CFHR5: variants seen among roughly 807,000 people sequenced by gnomAD.
CFHR5 encodes complement factor H-related protein 5.
In CFHR5, 73 loss-of-function variants were observed where a neutral mutation model predicts 62.9. That is an observed-to-expected ratio of 1.16 (90% CI 0.96 to 1.41). The LOEUF (loss-of-function observed/expected upper bound fraction) is 1.41, where lower values mean the gene tolerates loss of function less well. Among genes scored for constraint, CFHR5 ranks in the 40% most tolerant of loss-of-function variants. The pLI is 0.00. For missense variants in CFHR5, 779 were observed against 679.9 expected, an observed-to-expected ratio of 1.15 and a Z score of -1.62; for synonymous variants, 249 against 227.2, an observed-to-expected ratio of 1.10 and a Z score of -0.86.
intron 7 of CFHR5, among the ~76,000 whole-genome samples, chr1:196,999,720 T>TACAC (rs1558289001): frequency 8.0e-4 from 35 of 43,878 alleles, no homozygotes; most frequent in African/African-American, 1.8e-3. Flanking sequence ...TATATATATA[T>TACAC]ATACACACAC....
intron 7 of CFHR5, among the ~76,000 whole-genome samples, chr1:196,998,591 A>G (rs1239477658): frequency 1.3e-5 from 2 of 152,034 alleles, no homozygotes; most frequent in South Asian, 2.1e-4. Context: ...ACAAAACTTA[A>G]TCTTCAATGA....
chr1:196,981,619 CTA>C (rs1653543415), intron 1 of CFHR5, among the ~76,000 whole-genome samples: 1 of 151,898 alleles, frequency 6.6e-6, no homozygotes, highest in South Asian at 2.1e-4. Context: ...GTGTGAGTGT[CTA>C]TATAAATATA....
Position 197,008,809 on chromosome 1 carries a change from G to C in CFHR5, c.*126G>C, listed in dbSNP as rs563764666. On this transcript the variant is annotated 3_prime_UTR_variant, in exon 10 of 10. Coordinates refer to ENST00000256785, the MANE Select transcript of CFHR5 (RefSeq NM_030787.4). ...GTGTTGTTTAACTCAGTTTTATTTAGAACTCTGGATTTTTAGAGCTTTAGA... is the reference window on the plus strand; with the variant it reads ...GTGTTGTTTAACTCAGTTTTATTTACAACTCTGGATTTTTAGAGCTTTAGA... 2.5e-6 allele frequency: 2 copies of C among 806,688 alleles called. No individual in the cohort carries two copies. The highest frequency in any genetic ancestry group is 4.1e-6 in the Non-Finnish European group (2 of 484,010). 50.0% of individuals were successfully genotyped at this position (806,688 alleles called of 1,614,324 possible).
chr1:196,992,025 G>T (rs1382672546), intron 3 of CFHR5, among the ~76,000 whole-genome samples: 1 of 152,238 alleles, frequency 6.6e-6, no homozygotes, highest in Non-Finnish European at 1.5e-5. Context: ...AGGCCTTGCT[G>T]AGCTGCAGTG....
chr1:196,997,344 T>C (rs1344515649), intron 6 of CFHR5, among the ~76,000 whole-genome samples: 1 of 152,046 alleles, frequency 6.6e-6, no homozygotes, highest in Admixed American at 6.6e-5. Context: ...ATGCAAGGAG[T>C]ACATAAATAT....
At position 196,995,768 on chromosome 1, in the gene CFHR5, A is replaced by G; in HGVS notation, c.659A>G (p.Lys220Arg). 6.2e-7 allele frequency: 1 copy of G among 1,613,386 alleles called. No individual in the cohort carries two copies. The highest frequency in any genetic ancestry group is 8.5e-7 in the Non-Finnish European group (1 of 1,179,404). Residue 220 changes from lysine (K) to arginine (R), a missense_variant, in exon 5 of 10, where the codon AAG (lysine) becomes AGG (arginine). Coordinates refer to ENST00000256785, the MANE Select transcript of CFHR5 (RefSeq NM_030787.4). The stretch of plus-strand genomic sequence containing the variant: ...CCTCAACTCTCCAATGGTGAAGTTA[A>G]GGAGATAAGAAAAGAGGAATATGGA... ...PPPQLSNGEV[K>R]EIRKEEYGHN...
At chr1:197,000,182 A>G (rs933718555) in intron 7 of CFHR5, among the ~76,000 whole-genome samples, 1 of 152,108 alleles carries the variant, frequency 6.6e-6, no homozygotes, top group Non-Finnish European at 1.5e-5. Context: ...AAAATAAGGA[A>G]GAAGCCTTAT....
chr1:196,987,713 T>C (rs1335673294), intron 3 of CFHR5, among the ~76,000 whole-genome samples: 4 of 152,196 alleles, frequency 2.6e-5, no homozygotes, highest in African/African-American at 9.7e-5. Flanking sequence ...TTCTGTTCCA[T>C]TGGTCTATAT....
At chr1:196,992,301 C>G (rs1480810668) in intron 3 of CFHR5, among the ~76,000 whole-genome samples, 5 of 152,244 alleles carry the variant, frequency 3.3e-5, no homozygotes. Flanking sequence ...TTTCCAGGTA[C>G]AGTCTGTCAC....
chr1:196,998,779 C>A (rs895602636), intron 7 of CFHR5, among the ~76,000 whole-genome samples: 1 of 151,898 alleles, frequency 6.6e-6, no homozygotes, highest in South Asian at 2.1e-4. Flanking sequence ...ATATTCAAAT[C>A]ATTTACTTTG....
At chr1:196,977,087 T>G (rs1044860308), upstream of CFHR5, among the ~76,000 whole-genome samples, 2 of 152,026 alleles carry the variant, frequency 1.3e-5, no homozygotes, top group Non-Finnish European at 2.9e-5. Context: ...GATTACAGGC[T>G]TGAGCCATTG....
At chr1:196,990,111 A>G (rs1471756624) in intron 3 of CFHR5, among the ~76,000 whole-genome samples, 2 of 151,702 alleles carry the variant, frequency 1.3e-5, no homozygotes, top group Non-Finnish European at 2.9e-5. Flanking sequence ...TGATCCCTTT[A>G]CCATTATGTA....
intron 2 of CFHR5, 76 bp downstream of exon 2, chr1:196,983,155 T>G: frequency 6.3e-7 from 1 of 1,592,790 alleles, no homozygotes; most frequent in Non-Finnish European, 8.6e-7. Flanking sequence ...GATCATAAGG[T>G]CTTGATAATC....
chr1:197,008,812 C>T lies in CFHR5; in HGVS notation c.*129C>T, dbSNP rs1277982992. 1 of 794,698 alleles carries T rather than the reference C, an allele frequency of 1.3e-6. No individual in the cohort carries two copies. Among genetic ancestry groups the T allele is most frequent in the African/African-American group, 1.7e-5 (1 of 57,666 alleles). 49.2% of individuals were successfully genotyped at this position (794,698 alleles called of 1,614,324 possible). ...TTGTTTAACTCAGTTTTATTTAGAACTCTGGATTTTTAGAGCTTTAGAAAT... is the reference window on the plus strand; with the variant it reads ...TTGTTTAACTCAGTTTTATTTAGAATTCTGGATTTTTAGAGCTTTAGAAAT... On this transcript the variant is annotated 3_prime_UTR_variant, in exon 10 of 10. Transcript: ENST00000256785.
At chr1:196,977,446 T>A (rs1484007630), upstream of CFHR5, 2 of 585,454 alleles carry the variant, frequency 3.4e-6, no homozygotes, top group Non-Finnish European at 6.2e-6. Context: ...CATAACGAGC[T>A]GAGAATATTA....
chr1:196,980,626 GTGTA>G (rs990253437), intron 1 of CFHR5, among the ~76,000 whole-genome samples: 1 of 143,342 alleles, frequency 7.0e-6, no homozygotes, highest in Non-Finnish European at 1.5e-5. Flanking sequence ...GTGTGTGTGT[GTGTA>G]TCCCAGAAGA....
intron 8 of CFHR5, 47 bp downstream of exon 8, chr1:197,002,711 A>T: frequency 6.8e-7 from 1 of 1,465,574 alleles, no homozygotes. Context: ...GAGGTTATTA[A>T]TCCCCTTTGC....
At chr1:196,987,224 T>G (rs917066886) in intron 3 of CFHR5, among the ~76,000 whole-genome samples, 6 of 152,184 alleles carry the variant, frequency 3.9e-5, no homozygotes, top group Admixed American at 3.9e-4. Context: ...TTTTTTCTTG[T>G]AGATTTGTTT....
At chr1:197,000,879 G>C (rs1654135428) in intron 7 of CFHR5, among the ~76,000 whole-genome samples, 1 of 152,138 alleles carries the variant, frequency 6.6e-6, no homozygotes, top group Admixed American at 6.6e-5. Flanking sequence ...ACATTAAGTA[G>C]AAGAGCTTCT....
Sources: allele counts gnomAD v4.1 joint callset (sites outside exome capture counted in the v4.1 genomes callset), GRCh38; gene constraint gnomAD v4.1.1; transcripts MANE v1.5; gene names NCBI Gene and HGNC (gene_info 2026-07-23, HGNC 2026-07-21).